CECR2: variants seen among roughly 807,000 people sequenced by gnomAD.
CECR2 encodes chromatin remodeling regulator CECR2.
Under a neutral mutation model 154.5 loss-of-function variants are expected in CECR2, and 30 were observed. The observed-to-expected ratio is 0.19, with a 90% CI of 0.15 to 0.26. CECR2 has a LOEUF of 0.26. Ranked by LOEUF, CECR2 falls within the 10% of genes least tolerant of loss-of-function variation. CECR2 has a pLI of 1.00. For missense variants in CECR2, 1,743 were observed against 1,829.3 expected (o/e 0.95, Z 0.86); for synonymous variants, 725 against 683.7 (o/e 1.06, Z -0.94).
chr22:17,489,580 T>G (rs1197158165), intron 2 of CECR2, among the ~76,000 whole-genome samples: 2 of 152,140 alleles, frequency 1.3e-5, no homozygotes, highest in African/African-American at 4.8e-5. Context: ...TTCAGCCTCC[T>G]GAGTAGCTGG....
At chr22:17,482,587 G>C (rs868779657) in intron 2 of CECR2, among the ~76,000 whole-genome samples, 2 of 151,954 alleles carry the variant, frequency 1.3e-5, no homozygotes, top group African/African-American at 4.8e-5. Flanking sequence ...AGGCTGGAGT[G>C]CAGTGGTGCA....
intron 7 of CECR2, among the ~76,000 whole-genome samples, chr22:17,510,750 C>CCT (rs1403596348): frequency 1.3e-5 from 2 of 152,136 alleles, no homozygotes; most frequent in Non-Finnish European, 2.9e-5. Flanking sequence ...TACAGGCACG[C>CCT]ACCACCATGC....
intron 1 of CECR2, among the ~76,000 whole-genome samples, chr22:17,395,857 T>A (rs1206952881): frequency 4.6e-5 from 7 of 151,462 alleles, no homozygotes; most frequent in Non-Finnish European, 1.0e-4. Context: ...TATTATTGAT[T>A]AGAAATAATT....
chr22:17,540,575 T>C lies in CECR2; in HGVS notation c.1659T>C (p.Val553=). Reference sequence around the variant, plus strand: ...CTGGGCGAAGTGGTGGGAGCCATGTTTGGACCCGCTCCAGGGACCCAGAAG... The same window carrying C: ...CTGGGCGAAGTGGTGGGAGCCATGTCTGGACCCGCTCCAGGGACCCAGAAG... ...SRAGRSGGSH[V]WTRSRDPEGS... The change falls in exon 14 of 19, where the codon GTT becomes GTC. Residue 553 remains valine (V), a synonymous_variant. Coordinates refer to ENST00000262608, the MANE Select transcript of CECR2 (RefSeq NM_001290047.2). 6.2e-7 allele frequency: 1 copy of C among 1,612,928 alleles called. No homozygotes were observed. The highest frequency in any genetic ancestry group is 8.5e-7 in the Non-Finnish European group (1 of 1,179,296).
chr22:17,503,971 C>G lies in CECR2; in HGVS notation c.700+840C>G, dbSNP rs146663493. Among the ~76,000 whole-genome samples, 492 of 152,058 alleles carry G rather than the reference C, an allele frequency of 3.2e-3. 2 individuals are homozygous for G. Among genetic ancestry groups the G allele is most frequent in the African/African-American group, 0.011 (445 of 41,472 alleles). On this transcript the variant is annotated intron_variant, in intron 6 of 18. Coordinates refer to ENST00000262608, the MANE Select transcript of CECR2 (RefSeq NM_001290047.2). ...CTGAGGCAGGAGAATCACTTGAATC[C>G]AGGAGGCGGAGGCTGCAGTGAGCTG...
intron 1 of CECR2, among the ~76,000 whole-genome samples, chr22:17,446,787 C>T (rs115952717): frequency 0.015 from 2,270 of 152,124 alleles, 55 homozygotes; most frequent in African/African-American, 0.052. Context: ...TTATGAAGAC[C>T]GAAAGAACAA....
At chr22:17,386,687 C>T (rs755594155) in intron 1 of CECR2, among the ~76,000 whole-genome samples, 21 of 149,950 alleles carry the variant, frequency 1.4e-4, no homozygotes, top group Admixed American at 8.6e-4. Flanking sequence ...GAGTTTCACT[C>T]TTGTCCAGGC....
intron 9 of CECR2, among the ~76,000 whole-genome samples, chr22:17,535,544 G>A (rs907353522): frequency 5.9e-5 from 9 of 152,082 alleles, no homozygotes; most frequent in Non-Finnish European, 1.3e-4. Flanking sequence ...ATAATGGATT[G>A]TTAAGCTGTG....
rs536049496 is a variant in CECR2 at position 17,423,485 on chromosome 22, C to T, written c.126+53576C>T. Among the ~76,000 whole-genome samples the T allele has an allele frequency of 2.7e-4, 40 of 146,968 alleles. No homozygotes were observed. The East Asian group carries it at 6.4e-3, about 24-fold the overall frequency. ...TCGCGCCACTGCACTCCAGCCTGGGCGACTGAGCGAGACTCTGTCTCAAAA... is the reference window on the plus strand; with the variant it reads ...TCGCGCCACTGCACTCCAGCCTGGGTGACTGAGCGAGACTCTGTCTCAAAA... On this transcript the variant is annotated intron_variant, in intron 1 of 18. Coordinates refer to ENST00000262608, the MANE Select transcript of CECR2 (RefSeq NM_001290047.2).
chr22:17,483,081 T>C (rs1800178949), intron 2 of CECR2, among the ~76,000 whole-genome samples: 2 of 152,210 alleles, frequency 1.3e-5, no homozygotes. Flanking sequence ...GACAGCACCG[T>C]GCATGTTACT....
At chr22:17,414,037 A>G (rs1191947061) in intron 1 of CECR2, among the ~76,000 whole-genome samples, 4 of 147,166 alleles carry the variant, frequency 2.7e-5, no homozygotes, top group East Asian at 2.0e-4. Flanking sequence ...TGGTGGTGCA[A>G]TCTCCGCTCA....
chr22:17,426,274 TA>T (rs1312315677), intron 1 of CECR2, among the ~76,000 whole-genome samples: 86,463 of 152,126 alleles, frequency 0.57, 26,311 homozygotes, highest in African/African-American at 0.8. Context: ...ATTTCCATAG[TA>T]GGAAAAAATC....
At chr22:17,395,348 C>A (rs1051503789) in intron 1 of CECR2, among the ~76,000 whole-genome samples, 2 of 150,678 alleles carry the variant, frequency 1.3e-5, no homozygotes, top group East Asian at 3.9e-4. Context: ...CTTACATATT[C>A]TCTCTTTTTT....
chr22:17,412,507 A>G (rs5747112), intron 1 of CECR2, among the ~76,000 whole-genome samples: 85,237 of 151,838 alleles, frequency 0.56, 24,708 homozygotes, highest in African/African-American at 0.69. Context: ...TCCTAATTCG[A>G]TAGCATTTGC....
At chr22:17,421,344 G>A (rs1037068473) in intron 1 of CECR2, among the ~76,000 whole-genome samples, 2 of 151,940 alleles carry the variant, frequency 1.3e-5, no homozygotes, top group East Asian at 1.9e-4. Context: ...GGCCGGGCGC[G>A]GTGGCTCATG....
Position 17,549,228 on chromosome 22 carries a change from C to T in CECR2, c.3941C>T (p.Ala1314Val). 1 of 1,613,996 alleles carries T rather than the reference C, an allele frequency of 6.2e-7. No individual in the cohort carries two copies. Among genetic ancestry groups the T allele is most frequent in the Non-Finnish European group, 8.5e-7 (1 of 1,179,884 alleles). ...ACCAAGCGGCAGAGCTCGTTGTCAG[C>T]CAGCGAGTATCTCTATGGAACTCCT... is the stretch of plus-strand genomic sequence containing the variant. ...AATKRQSSLS[A>V]SEYLYGTPPP... The change falls in exon 17 of 19, where the codon GCC (alanine) becomes GTC (valine). Residue 1314 changes from alanine to valine, a missense_variant. Physicochemically the swap from Ala to Val is moderately conservative, Grantham distance 64. Around this residue, in one of 4 missense-constraint regions of CECR2, gnomAD observed 1,250 missense variants for 1,192.1 expected, o/e 1.05. Transcript: ENST00000262608.
chr22:17,444,535 G>A (rs562959548), intron 1 of CECR2, among the ~76,000 whole-genome samples: 7 of 152,076 alleles, frequency 4.6e-5, no homozygotes, highest in South Asian at 2.1e-4. Context: ...ACTGAGGCAC[G>A]AGAATCGCTT....
intron 1 of CECR2, chr22:17,424,395 T>C: frequency 1.0e-5 from 2 of 192,278 alleles, no homozygotes; most frequent in Non-Finnish European, 1.1e-5. Flanking sequence ...CTCCCTCAAT[T>C]GCAGACACAC....
At chr22:17,515,214 A>T (rs2056029862) in intron 8 of CECR2, among the ~76,000 whole-genome samples, 1 of 152,184 alleles carries the variant, frequency 6.6e-6, no homozygotes, top group Non-Finnish European at 1.5e-5. Flanking sequence ...AGGCAGACAT[A>T]TTCAGCTAAG....
Sources: allele counts gnomAD v4.1 joint callset (sites outside exome capture counted in the v4.1 genomes callset), GRCh38; gene constraint gnomAD v4.1.1; regional missense constraint gnomAD v4.1.1; transcripts MANE v1.5; gene names NCBI Gene and HGNC (gene_info 2026-07-23, HGNC 2026-07-21).